The following N4BP2 variants were observed in gnomAD, a reference collection of about 807,000 sequenced individuals.
N4BP2 encodes NEDD4-binding protein 2.
Under a neutral mutation model 152.8 loss-of-function variants are expected in N4BP2, and 91 were observed. The observed-to-expected ratio is 0.60, with a 90% CI of 0.50 to 0.71. N4BP2 has a LOEUF of 0.71. Ranked by LOEUF, N4BP2 falls within the 30% of genes least tolerant of loss-of-function variation. The pLI is 0.00. For synonymous variants in N4BP2, 646 were observed against 705.3 expected (o/e 0.92, Z 1.33); for missense variants, 1,923 against 2,059.1 (o/e 0.93, Z 1.28).
chr4:40,106,576 T>C (rs1716313201), intron 4 of N4BP2, among the ~76,000 whole-genome samples: 1 of 152,194 alleles, frequency 6.6e-6, no homozygotes, highest in East Asian at 1.9e-4. Flanking sequence ...TGAGATACAG[T>C]CTTGCTCTGT....
chr4:40,166,615 G>A, the N4BP2 span: 1 of 151,084 alleles, frequency 6.6e-6, no homozygotes, highest in Non-Finnish European at 1.5e-5. Context: ...CTTGAACCCA[G>A]GAGACGGAGT....
intron 7 of N4BP2, among the ~76,000 whole-genome samples, chr4:40,117,192 G>A (rs2136563): frequency 0.034 from 5,107 of 151,988 alleles, 115 homozygotes; most frequent in Non-Finnish European, 0.051. Context: ...TTCTCTTTCC[G>A]GGACTTAGAT....
intron 7 of N4BP2, among the ~76,000 whole-genome samples, chr4:40,114,439 T>G (rs902883298): frequency 1.3e-5 from 2 of 152,210 alleles, no homozygotes; most frequent in Non-Finnish European, 2.9e-5. Flanking sequence ...TTTATGGGTT[T>G]TCCTGTTGCG....
chr4:40,122,064 C>G lies in N4BP2; in HGVS notation c.3953C>G (p.Pro1318Arg). Residue 1318 changes from proline (P) to arginine (R), a missense_variant, in exon 9 of 18, where the codon CCA becomes CGA. Coordinates refer to ENST00000261435, the MANE Select transcript of N4BP2 (RefSeq NM_018177.6). ...GAAATAAAGAGAAATGAAAATTTTC[C>G]AAAGGATTATGTGAAATTTTCAGAT... is the stretch of plus-strand genomic sequence containing the variant. ...SLEIKRNENF[P>R]KDYVKFSDEE... 6.5e-7 allele frequency: 1 copy of G among 1,544,602 alleles called. No homozygotes were observed. Among genetic ancestry groups the G allele is most frequent in the Non-Finnish European group, 8.7e-7 (1 of 1,145,096 alleles).
the N4BP2 span, among the ~76,000 whole-genome samples, chr4:40,189,527 G>A: frequency 2.6e-5 from 4 of 152,166 alleles, no homozygotes; most frequent in African/African-American, 9.7e-5. This position sits in a 1 kb window ranked among gnomAD's most constrained non-coding sequence, Gnocchi z 4.3. Flanking sequence ...GCATCAGCAA[G>A]GAGGAGCCAG....
At chr4:40,125,506 A>C (rs565177684) in intron 11 of N4BP2, among the ~76,000 whole-genome samples, 23 of 152,232 alleles carry the variant, frequency 1.5e-4, no homozygotes, top group African/African-American at 5.3e-4. Context: ...AACTTCCTCT[A>C]TTTACCAGTG....
intron 2 of N4BP2, among the ~76,000 whole-genome samples, chr4:40,084,594 C>T (rs2109925845): frequency 6.6e-6 from 1 of 150,524 alleles, no homozygotes; most frequent in South Asian, 2.1e-4. Context: ...CACCTCCACG[C>T]CCAGCCAAAT....
At chr4:40,150,121 C>CA (rs1309704907) in intron 16 of N4BP2, among the ~76,000 whole-genome samples, 1 of 152,114 alleles carries the variant, frequency 6.6e-6, no homozygotes, top group Non-Finnish European at 1.5e-5. Flanking sequence ...CTCTGACCTG[C>CA]ATTGCCTTTT....
At chr4:40,071,341 T>G (rs1712158538) in intron 1 of N4BP2, among the ~76,000 whole-genome samples, 1 of 152,224 alleles carries the variant, frequency 6.6e-6, no homozygotes, top group Non-Finnish European at 1.5e-5. Flanking sequence ...GTGAGTAGAC[T>G]TAGGTTAAAC....
At chr4:40,067,802 G>A (rs2109892688) in intron 1 of N4BP2, among the ~76,000 whole-genome samples, 1 of 152,206 alleles carries the variant, frequency 6.6e-6, no homozygotes, top group Admixed American at 6.6e-5. Flanking sequence ...AGGTTCAAGT[G>A]ATTCTCCTGT....
intron 16 of N4BP2, among the ~76,000 whole-genome samples, chr4:40,146,999 G>A (rs1243505643): frequency 2.7e-5 from 4 of 149,158 alleles, no homozygotes; most frequent in African/African-American, 5.0e-5. Context: ...GTGGAGGGAA[G>A]GTCAGCAGAT....
rs762006338 is a variant in N4BP2 at position 40,126,126 on chromosome 4, C to T, written c.4331-8C>T. ...TGAGAGTATGACAGTATTTATACTA[C>T]TTTGTAGATCCTTCCTTGGTTGGAC... On this transcript the variant is annotated splice_region_variant and splice_polypyrimidine_tract_variant and intron_variant, in intron 11 of 17. Transcript: ENST00000261435. 12 of 1,548,696 alleles carry T rather than the reference C, an allele frequency of 7.7e-6. No homozygotes were observed. In the African/African-American group the frequency reaches 1.5e-4, roughly 20 times the overall value.
chr4:40,104,021 C>T (rs910900938), intron 4 of N4BP2, among the ~76,000 whole-genome samples: 1 of 151,956 alleles, frequency 6.6e-6, no homozygotes, highest in Non-Finnish European at 1.5e-5. Flanking sequence ...GTGGCGCGAT[C>T]TCGGCTCACT....
At chr4:40,092,011 TATATATATATA>T (rs1714632605) in intron 2 of N4BP2, among the ~76,000 whole-genome samples, 1 of 30,200 alleles carries the variant, frequency 3.3e-5, no homozygotes, top group Non-Finnish European at 6.6e-5. Context: ...AAAAAAATTA[TATATATATATA>T]TATATATATA....
At chr4:40,182,174 A>G in the N4BP2 span, among the ~76,000 whole-genome samples, 1 of 152,226 alleles carries the variant, frequency 6.6e-6, no homozygotes, top group African/African-American at 2.4e-5. Flanking sequence ...AGCAGTCTCT[A>G]ACACAACTAA....
intron 2 of N4BP2, among the ~76,000 whole-genome samples, chr4:40,076,486 C>G (rs1712745569): frequency 6.6e-6 from 1 of 152,012 alleles, no homozygotes; most frequent in African/African-American, 2.4e-5. Flanking sequence ...AAAAAAAACC[C>G]AAAAATATCT....
At chr4:40,138,866 A>G (rs1719647240) in intron 14 of N4BP2, among the ~76,000 whole-genome samples, 2 of 152,086 alleles carry the variant, frequency 1.3e-5, no homozygotes, top group South Asian at 4.1e-4. Context: ...TTTTCCAACT[A>G]TGTTCTATTT....
At position 40,120,875 on chromosome 4, in the gene N4BP2, T is replaced by C; in HGVS notation, c.2764T>C (p.Ser922Pro). 1 of 1,614,024 alleles carries C rather than the reference T, an allele frequency of 6.2e-7. No individual in the cohort carries two copies. Among genetic ancestry groups the C allele is most frequent in the Admixed American group, 1.7e-5 (1 of 60,002 alleles). The change falls in exon 9 of 18, where the codon TCC becomes CCC. Residue 922 changes from serine to proline, a missense_variant. Coordinates refer to ENST00000261435, the MANE Select transcript of N4BP2 (RefSeq NM_018177.6). The part of the protein sequence containing the change: ...IGTNDKMNEI[S>P]LSTAHEACWG... The stretch of plus-strand genomic sequence containing the variant: ...AACAAATGACAAAATGAATGAAATA[T>C]CCTTATCTACAGCACATGAGGCCTG...
At position 40,056,890 on chromosome 4, in the gene N4BP2, G is replaced by C. The variant is rs978557906; in HGVS notation, c.-352G>C. 3.3e-5 allele frequency: 5 copies of C among 152,032 alleles called. No individual in the cohort carries two copies. Among genetic ancestry groups the C allele is most frequent in the East Asian group, 1.9e-4 (1 of 5,180 alleles). The allele number at this position is 152,032 out of a possible 1,614,324, so 9.4% of individuals were successfully genotyped here. On this transcript the variant is annotated 5_prime_UTR_variant, in exon 1 of 18. Transcript: ENST00000261435. Reference sequence around the variant, plus strand: ...GGCGCGCTCGCCGTGTCTCCCCCGCGGCCGCAGCTGCTTGCTAGCCTTGCG... The same window carrying C: ...GGCGCGCTCGCCGTGTCTCCCCCGCCGCCGCAGCTGCTTGCTAGCCTTGCG...
Sources: gnomAD v4.1 joint callset for allele counts (sites outside exome capture counted in the v4.1 genomes callset) on GRCh38, gnomAD v4.1.1 for gene constraint, Gnocchi (gnomAD v3.1) non-coding constraint, MANE v1.5 for transcripts, NCBI Gene and HGNC (gene_info 2026-07-23, HGNC 2026-07-21) for gene names.